The following ELAPOR2 variants were observed in gnomAD, a reference collection of about 807,000 sequenced individuals.
ELAPOR2 encodes endosome/lysosome-associated apoptosis and autophagy regulator family member 2.
Under a neutral mutation model 120.7 loss-of-function variants are expected in ELAPOR2, and 89 were observed. That is an observed-to-expected ratio of 0.74 (90% CI 0.62 to 0.88). The LOEUF is 0.88. Among genes scored for constraint, ELAPOR2 ranks in the 40% least tolerant of loss-of-function variants. ELAPOR2 has a pLI of 0.00. For missense variants in ELAPOR2, 1,134 were observed against 1,251.6 expected (o/e 0.91, Z 1.42); for synonymous variants, 444 against 444.9 (o/e 1.00, Z 0.03).
At chr7:86,893,600 C>A (rs1788292628) in intron 19 of ELAPOR2, among the ~76,000 whole-genome samples, 1 of 151,976 alleles carries the variant, frequency 6.6e-6, no homozygotes, top group Non-Finnish European at 1.5e-5. Flanking sequence ...AGACCCTAGA[C>A]CTGGGACATA....
At chr7:86,916,717 G>C (rs1789585764) in intron 12 of ELAPOR2, among the ~76,000 whole-genome samples, 1 of 152,054 alleles carries the variant, frequency 6.6e-6, no homozygotes, top group Non-Finnish European at 1.5e-5. Flanking sequence ...GGTGGTGCTG[G>C]TCCAGGGTCC....
Position 86,912,964 on chromosome 7 carries a change from C to A in ELAPOR2, c.1972G>T (p.Gly658Trp), listed in dbSNP as rs1181352325. The A allele has an allele frequency of 6.2e-7, 1 of 1,613,992 alleles. No individual in the cohort carries two copies. The change falls in exon 14 of 22, where the codon GGG (glycine) becomes TGG (tryptophan). Residue 658 changes from glycine (G) to tryptophan (W), a missense_variant. Gly to Trp is a radical substitution (Grantham distance 184, BLOSUM62 -2). Transcript: ENST00000450689. ...ACCTGATTGTTTTTACTCCCAGGCC[C>A]GCATGGAATACAAGCCTCTTTGCCA... ...VYGKEACIPC[G>W]PGSKNNQDHS...
intron 1 of ELAPOR2, among the ~76,000 whole-genome samples, chr7:87,052,551 C>T (rs1795140873): frequency 6.6e-6 from 1 of 152,122 alleles, no homozygotes; most frequent in Non-Finnish European, 1.5e-5. Flanking sequence ...CCAGGGTTTC[C>T]ATTTTAGTAG....
At chr7:87,049,687 C>T (rs966732993) in intron 1 of ELAPOR2, among the ~76,000 whole-genome samples, 1 of 152,166 alleles carries the variant, frequency 6.6e-6, no homozygotes, top group East Asian at 1.9e-4. Flanking sequence ...AAGAGAGTTC[C>T]AGGCAGAAAA....
intron 1 of ELAPOR2, among the ~76,000 whole-genome samples, chr7:87,053,734 A>G (rs547076654): frequency 4.0e-4 from 61 of 152,208 alleles, no homozygotes; most frequent in Non-Finnish European, 8.2e-4. Flanking sequence ...AGTCCAGGAA[A>G]GGATAGGATA....
In ELAPOR2 at chr7:87,059,549, G is replaced by A; in HGVS notation, c.-36C>T. On this transcript the variant is annotated 5_prime_UTR_variant, in exon 1 of 22. Coordinates refer to ENST00000450689, the MANE Select transcript of ELAPOR2 (RefSeq NM_001142749.3). ...CCGCGGTCGGCGGGCCGGCGGCAAG[G>A]CAGCCTTCCCGGGGTGCGGCGGCAG... is the stretch of plus-strand genomic sequence containing the variant. The A allele has an allele frequency of 8.6e-7, 1 of 1,165,418 alleles. No homozygotes were observed. Among genetic ancestry groups the A allele is most frequent in the Non-Finnish European group, 1.1e-6 (1 of 945,622 alleles). 72.2% of individuals were successfully genotyped at this position (1,165,418 alleles called of 1,614,324 possible).
At chr7:87,036,521 T>A (rs1455148034) in intron 1 of ELAPOR2, among the ~76,000 whole-genome samples, 1 of 152,076 alleles carries the variant, frequency 6.6e-6, no homozygotes, top group African/African-American at 2.4e-5. Context: ...AGCAAAGTCA[T>A]GGAAGCAAGC....
At chr7:86,927,015 G>T (rs1034654121) in intron 8 of ELAPOR2, 99 bp from the exon 9 acceptor site, 1 of 1,067,748 alleles carries the variant, frequency 9.4e-7, no homozygotes, top group Non-Finnish European at 1.3e-6. Context: ...AATGGTGACA[G>T]AATAGAAGGG....
chr7:86,990,280 C>T (rs1792899998), intron 1 of ELAPOR2, among the ~76,000 whole-genome samples: 2 of 152,074 alleles, frequency 1.3e-5, no homozygotes, highest in Admixed American at 1.3e-4. Context: ...GATCTCCCGA[C>T]CTCATGATCT....
chr7:86,918,071 A>G (rs1396535166), intron 12 of ELAPOR2, among the ~76,000 whole-genome samples: 4 of 152,008 alleles, frequency 2.6e-5, no homozygotes, highest in African/African-American at 4.8e-5. Context: ...TATTAGTACA[A>G]TGTTTTTTCT....
intron 1 of ELAPOR2, among the ~76,000 whole-genome samples, chr7:87,042,920 A>C (rs1040727379): frequency 6.6e-5 from 10 of 152,224 alleles, no homozygotes; most frequent in Admixed American, 3.9e-4. Context: ...AAAAAATGAT[A>C]AAGGGGATAT....
intron 10 of ELAPOR2, among the ~76,000 whole-genome samples, chr7:86,925,034 T>G (rs1188265055): frequency 6.6e-6 from 1 of 152,022 alleles, no homozygotes; most frequent in Non-Finnish European, 1.5e-5. Context: ...TCAACAACTG[T>G]TCTGTAGAAC....
At chr7:86,926,463 G>C (rs1790070420) in intron 9 of ELAPOR2, among the ~76,000 whole-genome samples, 1 of 151,938 alleles carries the variant, frequency 6.6e-6, no homozygotes, top group Non-Finnish European at 1.5e-5. Flanking sequence ...ACTATTGGTA[G>C]CATGGGGGAC....
chr7:87,022,685 A>G (rs894318637), intron 1 of ELAPOR2, among the ~76,000 whole-genome samples: 1 of 151,474 alleles, frequency 6.6e-6, no homozygotes, highest in East Asian at 1.9e-4. Context: ...ACTAGTTTAC[A>G]GTCCCACCAA....
At chr7:86,911,995 G>C in intron 15 of ELAPOR2, 77 bp downstream of exon 15, 1 of 1,354,032 alleles carries the variant, frequency 7.4e-7, no homozygotes, top group Non-Finnish European at 1.0e-6. Context: ...AGAATTTATT[G>C]GTCCATTAAC....
chr7:86,939,039 C>G, intron 6 of ELAPOR2, 79 bp from the exon 7 acceptor site: 15 of 1,482,748 alleles, frequency 1.0e-5, no homozygotes, highest in African/African-American at 1.4e-5. Context: ...CTGCTTCTAC[C>G]CAGAAGTGAG....
intron 9 of ELAPOR2, among the ~76,000 whole-genome samples, chr7:86,925,893 G>C (rs1423407906): frequency 6.6e-6 from 1 of 151,866 alleles, no homozygotes; most frequent in Admixed American, 6.6e-5. Context: ...AAAGGAAAAG[G>C]ACAGAAACAA....
At chr7:87,037,742 G>A (rs764529725) in intron 1 of ELAPOR2, among the ~76,000 whole-genome samples, 1 of 152,262 alleles carries the variant, frequency 6.6e-6, no homozygotes, top group Non-Finnish European at 1.5e-5. Context: ...CACCACCCAC[G>A]TGCCCTTCAA....
Position 86,940,083 on chromosome 7 carries a change from G to C in ELAPOR2, c.774C>G (p.Tyr258Ter), listed in dbSNP as rs1041861505. Residue 258 changes from tyrosine (Y) to a stop codon, truncating the protein, a stop_gained, in exon 6 of 22, where the codon TAC becomes TAG. Transcript: ENST00000450689. LOFTEE classifies it high-confidence loss of function. The stretch of plus-strand genomic sequence containing the variant: ...CCATAAGGATGCCTGTAGTTCTCCA[G>C]TAGAGTATGTTTGTGCCTGATTTCA... ...VMLKSGTNIL[Y>*]WRTTGILMGS... 1.2e-6 allele frequency: 2 copies of C among 1,612,090 alleles called. No individual in the cohort carries two copies. The highest frequency in any genetic ancestry group is 1.7e-6 in the Non-Finnish European group (2 of 1,178,714).
Sources: allele counts gnomAD v4.1 joint callset (sites outside exome capture counted in the v4.1 genomes callset), GRCh38; gene constraint gnomAD v4.1.1; transcripts MANE v1.5; gene names NCBI Gene and HGNC (gene_info 2026-07-23, HGNC 2026-07-21).